Variants in SORCS2 observed in about 807,000 individuals in gnomAD.
The protein encoded by SORCS2 is VPS10 domain-containing receptor SorCS2.
Under a neutral mutation model 141.6 loss-of-function variants are expected in SORCS2, and 100 were observed. The observed-to-expected ratio is 0.71, with a 90% CI of 0.60 to 0.83. SORCS2 has a LOEUF of 0.83. Among genes scored for constraint, SORCS2 ranks in the 40% least tolerant of loss-of-function variants. SORCS2 has a pLI of 0.00. For missense variants in SORCS2, 1,646 were observed against 1,560.2 expected (o/e 1.05, Z -0.93); for synonymous variants, 789 against 676.9 (o/e 1.17, Z -2.57).
At chr4:7,463,414 AAGG>A (rs919243846) in intron 2 of SORCS2, among the ~76,000 whole-genome samples, 1 of 152,156 alleles carries the variant, frequency 6.6e-6, no homozygotes, top group Non-Finnish European at 1.5e-5. Flanking sequence ...GGGATTTAAA[AAGG>A]AGACTCCAGC....
intron 2 of SORCS2, among the ~76,000 whole-genome samples, chr4:7,482,445 C>T (rs1305014752): frequency 8.6e-5 from 4 of 46,514 alleles, no homozygotes; most frequent in African/African-American, 4.0e-4. Context: ...TGACGCTGTT[C>T]AGACCTGTAT....
intron 1 of SORCS2, among the ~76,000 whole-genome samples, chr4:7,266,206 T>A (rs2108833226): frequency 6.6e-6 from 1 of 152,174 alleles, no homozygotes. Context: ...TCCCAGCCAA[T>A]AGGGCTGTGC....
chr4:7,433,053 G>A (rs7439798), intron 2 of SORCS2: 261,106 of 315,948 alleles, frequency 0.83, 108,757 homozygotes, highest in Non-Finnish European at 0.87. Flanking sequence ...TTGGAGATGA[G>A]AGGGCAGCCT....
chr4:7,723,984 C>G lies in SORCS2; in HGVS notation c.2611+101C>G, dbSNP rs1329535490. The G allele has an allele frequency of 2.6e-5, 36 of 1,362,286 alleles. No individual in the cohort carries two copies. The South Asian group carries it at 3.1e-4, about 12-fold the overall frequency. The allele number at this position is 1,362,286 out of a possible 1,614,324, so 84.4% of individuals were successfully genotyped here. A position where few individuals can be genotyped will look rare whatever the true frequency, so the allele number is the denominator to read the frequency against. Reference sequence around the variant, plus strand: ...GAAGCCCCCGGGATTGCTCTAGGCCCCTGGTACTCAGGACGGTGAACCCGA... The same window carrying G: ...GAAGCCCCCGGGATTGCTCTAGGCCGCTGGTACTCAGGACGGTGAACCCGA... On this transcript the variant is annotated intron_variant, in intron 19 of 26. Coordinates refer to ENST00000507866, the MANE Select transcript of SORCS2 (RefSeq NM_020777.3).
intron 1 of SORCS2, among the ~76,000 whole-genome samples, chr4:7,262,357 T>C (rs564108390): frequency 1.9e-3 from 281 of 144,364 alleles, no homozygotes; most frequent in African/African-American, 7.1e-3. Flanking sequence ...CATCCATCCA[T>C]CCACCCACCT....
rs74750490 is a variant in SORCS2, at chr4:7,731,101, G to A, written c.3108+1389G>A. On this transcript the variant is annotated intron_variant, in intron 23 of 26. Coordinates refer to ENST00000507866, the MANE Select transcript of SORCS2 (RefSeq NM_020777.3). ...CCGGAGGCAATCAAACAGCAGAAGC[G>A]CTTCTACACACTAACAGCAAGCTAC... Among the ~76,000 whole-genome samples the A allele has an allele frequency of 7.4e-3, 1,126 of 152,214 alleles. 7 individuals are homozygous for A. Among genetic ancestry groups the A allele is most frequent in the African/African-American group, 0.024 (1,001 of 41,516 alleles).
At chr4:7,415,215 A>G (rs1185600292) in intron 2 of SORCS2, among the ~76,000 whole-genome samples, 4 of 152,190 alleles carry the variant, frequency 2.6e-5, no homozygotes, top group African/African-American at 9.7e-5. Context: ...ATAGGACTTG[A>G]AGCAACACAG....
chr4:7,351,518 G>A (rs371051208), intron 1 of SORCS2, among the ~76,000 whole-genome samples: 1 of 152,072 alleles, frequency 6.6e-6, no homozygotes, highest in African/African-American at 2.4e-5. Flanking sequence ...TCTGTCTCTT[G>A]TTAAATGGCT....
chr4:7,510,165 C>T (rs750242305), intron 2 of SORCS2, among the ~76,000 whole-genome samples: 8 of 152,220 alleles, frequency 5.3e-5, no homozygotes, highest in South Asian at 2.1e-4. Flanking sequence ...ATTGCTGCCT[C>T]GGCAGTCCCA....
At position 7,421,098 on chromosome 4, in the gene SORCS2, C is replaced by T. The variant is rs1235631187; in HGVS notation, c.548+24743C>T. Among the ~76,000 whole-genome samples, 2 of 152,190 alleles carry T rather than the reference C, an allele frequency of 1.3e-5. 1 individual carries two copies. The highest frequency in any genetic ancestry group is 1.3e-4 in the Admixed American group (2 of 15,284). ...TCAGGGACCCTAGGGCTGTTTCGCTCCATCCCTTGCCCACACAGTGTTTGC... is the reference window on the plus strand; with the variant it reads ...TCAGGGACCCTAGGGCTGTTTCGCTTCATCCCTTGCCCACACAGTGTTTGC... On this transcript the variant is annotated intron_variant, in intron 2 of 26. Coordinates refer to ENST00000507866, the MANE Select transcript of SORCS2 (RefSeq NM_020777.3).
At chr4:7,393,801 A>C (rs1724020065) in intron 1 of SORCS2, among the ~76,000 whole-genome samples, 1 of 152,148 alleles carries the variant, frequency 6.6e-6, no homozygotes, top group African/African-American at 2.4e-5. Flanking sequence ...TTTGCTACTG[A>C]ATATTTAATC....
At chr4:7,512,261 C>T (rs1474873690) in intron 2 of SORCS2, among the ~76,000 whole-genome samples, 1 of 150,630 alleles carries the variant, frequency 6.6e-6, no homozygotes, top group Non-Finnish European at 1.5e-5. Context: ...ATCTCGAAGT[C>T]CAGCCCAGGG....
chr4:7,438,962 T>G (rs34063110), intron 2 of SORCS2, among the ~76,000 whole-genome samples: 4,672 of 152,320 alleles, frequency 0.031, 96 homozygotes, highest in Middle Eastern at 0.075. Context: ...TTGGCACTTC[T>G]GTACTTTCCA....
At chr4:7,466,256 C>T (rs1302948817) in intron 2 of SORCS2, among the ~76,000 whole-genome samples, 5 of 152,166 alleles carry the variant, frequency 3.3e-5, no homozygotes, top group African/African-American at 4.8e-5. Context: ...CAATCAGGGG[C>T]CCAGGCTCCT....
At chr4:7,303,370 C>A (rs886690096) in intron 1 of SORCS2, among the ~76,000 whole-genome samples, 3 of 152,146 alleles carry the variant, frequency 2.0e-5, no homozygotes, top group East Asian at 1.9e-4. Context: ...GTTTTTTATG[C>A]GTTTCCAGTC....
intron 2 of SORCS2, among the ~76,000 whole-genome samples, chr4:7,398,431 A>G (rs1229322633): frequency 2.0e-5 from 3 of 152,218 alleles, no homozygotes; most frequent in Non-Finnish European, 4.4e-5. Flanking sequence ...ACAGTACGTG[A>G]TCTAAATTCA....
intron 3 of SORCS2, among the ~76,000 whole-genome samples, chr4:7,602,198 G>T (rs191674165): frequency 7.9e-5 from 12 of 152,210 alleles, no homozygotes; most frequent in Admixed American, 7.9e-4. Context: ...CCTCCCAGAC[G>T]GGGTGGCTGC....
intron 1 of SORCS2, among the ~76,000 whole-genome samples, chr4:7,284,615 A>T (rs954409445): frequency 5.3e-5 from 8 of 152,174 alleles, no homozygotes; most frequent in African/African-American, 1.9e-4. Context: ...TGAAGGGGTC[A>T]TGTCTCCCCA....
At chr4:7,683,839 G>A (rs931007942) in intron 10 of SORCS2, among the ~76,000 whole-genome samples, 5 of 152,198 alleles carry the variant, frequency 3.3e-5, no homozygotes. Context: ...CTAGAGTGGA[G>A]AATCTCTCAA....
Sources: gnomAD v4.1 joint callset for allele counts (sites outside exome capture counted in the v4.1 genomes callset) on GRCh38, gnomAD v4.1.1 for gene constraint, MANE v1.5 for transcripts, NCBI Gene and HGNC (gene_info 2026-07-23, HGNC 2026-07-21) for gene names.